Variants in DMXL2 observed in about 807,000 individuals in gnomAD.
DMXL2 encodes dmX-like protein 2.
Under a neutral mutation model 331.1 loss-of-function variants are expected in DMXL2, and 103 were observed. The observed-to-expected ratio is 0.31, with a 90% CI of 0.27 to 0.37. The LOEUF is 0.37. Among genes scored for constraint, DMXL2 ranks in the 10% least tolerant of loss-of-function variants. The probability of loss-of-function intolerance (pLI) is 1.00; values close to 1 mark genes in which losing one functional copy is unlikely to be tolerated. For missense variants in DMXL2, 3,171 were observed against 3,642.9 expected, an observed-to-expected ratio of 0.87 and a Z score of 3.33; for synonymous variants, 1,281 against 1,252.1, an observed-to-expected ratio of 1.02 and a Z score of -0.49.
At chr15:51,534,123 C>A (rs1214973648) in intron 13 of DMXL2, among the ~76,000 whole-genome samples, 1 of 152,072 alleles carries the variant, frequency 6.6e-6, no homozygotes, top group East Asian at 1.9e-4. Flanking sequence ...ACAGTCAGCT[C>A]ATGATGAGTC....
chr15:51,498,643 G>A lies in DMXL2; in HGVS notation c.4581C>T (p.Thr1527=). ...HLMHSSLPGL[T]RLEQMFLVAL... ...CTACAAGGAACATCTGCTCCAAACG[G>A]GTAAGGCCTGGTAGACTTGAGTGCA... is the stretch of plus-strand genomic sequence containing the variant. The change falls in exon 18 of 44, where the codon ACC becomes ACT. Residue 1527 remains threonine, a synonymous_variant. Coordinates refer to ENST00000560891, the MANE Select transcript of DMXL2 (RefSeq NM_001378457.1). 1 of 1,614,114 alleles carries A rather than the reference G, an allele frequency of 6.2e-7. No individual in the cohort carries two copies. The highest frequency in any genetic ancestry group is 8.5e-7 in the Non-Finnish European group (1 of 1,180,002).
At chr15:51,506,162 T>G (rs1212087860) in intron 16 of DMXL2, among the ~76,000 whole-genome samples, 1 of 152,064 alleles carries the variant, frequency 6.6e-6, no homozygotes, top group East Asian at 1.9e-4. Flanking sequence ...AGCCTCTGAC[T>G]CCAGGGCTCA....
intron 21 of DMXL2, 105 bp from the exon 22 acceptor site, chr15:51,488,224 A>G (rs1333890294): frequency 9.1e-7 from 1 of 1,100,628 alleles, no homozygotes; most frequent in African/African-American, 1.6e-5. Flanking sequence ...CTAAAAGAAG[A>G]ACAATAACTT....
chr15:51,489,875 T>C (rs1457683719), intron 20 of DMXL2, among the ~76,000 whole-genome samples: 2 of 152,220 alleles, frequency 1.3e-5, no homozygotes, highest in Non-Finnish European at 2.9e-5. Context: ...GATTTAATTT[T>C]AAGAAATAAA....
At chr15:51,523,745 A>C (rs1480006801) in intron 13 of DMXL2, among the ~76,000 whole-genome samples, 1 of 152,250 alleles carries the variant, frequency 6.6e-6, no homozygotes, top group Admixed American at 6.5e-5. Context: ...CCTCCCCTTG[A>C]ATATCAGAAA....
intron 13 of DMXL2, among the ~76,000 whole-genome samples, chr15:51,533,438 A>G (rs1042447330): frequency 3.3e-5 from 5 of 152,218 alleles, no homozygotes; most frequent in Admixed American, 3.3e-4. Context: ...ATGGAGAACA[A>G]ATAGAACCAT....
In DMXL2 at chr15:51,568,526, T is replaced by C; in HGVS notation, c.246A>G (p.Ile82Met). 4.4e-6 allele frequency: 7 copies of C among 1,581,716 alleles called. No homozygotes were observed. Among genetic ancestry groups the C allele is most frequent in the Non-Finnish European group, 5.1e-6 (6 of 1,170,406 alleles). ...GAGAATTTATGCCCAAGGGCTCAAATATACAAACAGCATTACCATATGAAG... is the reference window on the plus strand; with the variant it reads ...GAGAATTTATGCCCAAGGGCTCAAACATACAAACAGCATTACCATATGAAG... ...IAASYGNAVC[I>M]FEPLGINSHK... The change falls in exon 3 of 44, where the codon ATA becomes ATG. Residue 82 changes from isoleucine to methionine, a missense_variant. Ile to Met is a conservative substitution (Grantham distance 10). Around this residue, in one of 7 missense-constraint regions of DMXL2, gnomAD observed 1,674 missense variants for 1,780.2 expected, o/e 0.94. Coordinates refer to ENST00000560891, the MANE Select transcript of DMXL2 (RefSeq NM_001378457.1).
chr15:51,496,783 G>C (rs772305870), intron 18 of DMXL2, among the ~76,000 whole-genome samples: 4 of 152,190 alleles, frequency 2.6e-5, no homozygotes, highest in Non-Finnish European at 4.4e-5. Flanking sequence ...CTGGGTATGA[G>C]AGAAAGCAGA....
rs1390182559 is a variant in DMXL2 at position 51,563,454 on chromosome 15, AAG to A, written c.501-9_501-8del. 7 of 1,598,660 alleles carry A rather than the reference AAG, an allele frequency of 4.4e-6. No homozygotes were observed. The highest frequency in any genetic ancestry group is 1.7e-4 in the Middle Eastern group (1 of 6,048). On this transcript the variant is annotated splice_region_variant and splice_polypyrimidine_tract_variant and intron_variant, in intron 5 of 43. Coordinates refer to ENST00000560891, the MANE Select transcript of DMXL2 (RefSeq NM_001378457.1). ...ATGTACAGATACTGAGGTTCTAAAAAAGAGAGAGTTAGGCAATTAGCCCTTTT... is the reference window on the plus strand; with the variant it reads ...ATGTACAGATACTGAGGTTCTAAAAAAGAGAGTTAGGCAATTAGCCCTTTT...
chr15:51,621,291 A>T (rs141046433), intron 1 of DMXL2, among the ~76,000 whole-genome samples: 113 of 152,360 alleles, frequency 7.4e-4, no homozygotes, highest in African/African-American at 2.6e-3. Flanking sequence ...GTCAAAAAAT[A>T]AATTCTGTTC....
intron 36 of DMXL2, 93 bp downstream of exon 36, chr15:51,458,413 G>A (rs1595887971): frequency 9.4e-6 from 13 of 1,384,048 alleles, no homozygotes; most frequent in South Asian, 2.6e-5. Flanking sequence ...GGAGATACAC[G>A]TATACCTTTT....
At chr15:51,464,954 C>T in intron 31 of DMXL2, 78 bp from the exon 32 acceptor site, 1 of 1,249,518 alleles carries the variant, frequency 8.0e-7, no homozygotes, top group Non-Finnish European at 1.1e-6. Flanking sequence ...AATCTGAATT[C>T]TCAGAGATAA....
chr15:51,488,684 T>A, intron 20 of DMXL2, 39 bp from the exon 21 acceptor site: 1 of 1,511,314 alleles, frequency 6.6e-7, no homozygotes, highest in South Asian at 1.2e-5. Context: ...CAATTTGACA[T>A]AAGAATTACA....
At chr15:51,529,292 T>C (rs894755887) in intron 13 of DMXL2, among the ~76,000 whole-genome samples, 32 of 151,066 alleles carry the variant, frequency 2.1e-4, no homozygotes, top group Admixed American at 2.0e-4. Context: ...ACAAAGAAAA[T>C]CATACAAAGA....
At chr15:51,514,824 GAAAA>G (rs35796044) in intron 14 of DMXL2, among the ~76,000 whole-genome samples, 2 of 126,712 alleles carry the variant, frequency 1.6e-5, no homozygotes. Flanking sequence ...TGCTTCTCAG[GAAAA>G]AAAAAAAAAA....
intron 13 of DMXL2, among the ~76,000 whole-genome samples, chr15:51,520,474 G>A (rs1338050918): frequency 6.6e-6 from 1 of 152,138 alleles, no homozygotes; most frequent in Non-Finnish European, 1.5e-5. Context: ...TGTTGAGTAA[G>A]ACCCTGGAGT....
intron 13 of DMXL2, among the ~76,000 whole-genome samples, chr15:51,532,216 C>T (rs538398187): frequency 1.8e-3 from 269 of 151,992 alleles, no homozygotes; most frequent in African/African-American, 6.1e-3. Context: ...AATGAGATTC[C>T]GTCATTTTGC....
chr15:51,457,520 A>G, intron 36 of DMXL2, 54 bp from the exon 37 acceptor site: 1 of 1,588,598 alleles, frequency 6.3e-7, no homozygotes, highest in East Asian at 2.3e-5. Flanking sequence ...CTTAACACAA[A>G]TTCCAACTAA....
chr15:51,580,999 C>T (rs1015019557), intron 1 of DMXL2, among the ~76,000 whole-genome samples: 9 of 152,068 alleles, frequency 5.9e-5, no homozygotes, highest in Non-Finnish European at 1.2e-4. Flanking sequence ...TAAAGTTGTG[C>T]GAATGTGTTT....
Sources: gnomAD v4.1 joint callset for allele counts (sites outside exome capture counted in the v4.1 genomes callset) on GRCh38, gnomAD v4.1.1 for gene constraint, gnomAD v4.1.1 regional missense constraint, MANE v1.5 for transcripts, NCBI Gene and HGNC (gene_info 2026-07-23, HGNC 2026-07-21) for gene names.